The following MAPK4 variants were observed in gnomAD, a reference collection of about 807,000 sequenced individuals.
MAPK4 encodes Erk3-related.
In MAPK4, 22 loss-of-function variants were observed where a neutral mutation model predicts 47.7. The observed-to-expected ratio is 0.46, with a 90% CI of 0.33 to 0.66. The LOEUF is 0.66. MAPK4 is among the 30% of genes least tolerant of loss of function. The pLI, the probability that MAPK4 is intolerant of heterozygous loss-of-function variation, is 0.02. For missense variants in MAPK4, 736 were observed against 831.7 expected (o/e 0.88, Z 1.42); for synonymous variants, 390 against 365.7 (o/e 1.07, Z -0.76).
chr18:50,704,363 G>A (rs1909940000), intron 2 of MAPK4, among the ~76,000 whole-genome samples: 1 of 152,132 alleles, frequency 6.6e-6, no homozygotes, highest in Non-Finnish European at 1.5e-5. Flanking sequence ...ACAAAAATTA[G>A]CCAGGCGTGG....
At chr18:50,709,750 C>T (rs1910250576) in intron 2 of MAPK4, among the ~76,000 whole-genome samples, 1 of 152,174 alleles carries the variant, frequency 6.6e-6, no homozygotes, top group South Asian at 2.1e-4. Flanking sequence ...AGTTACAGCA[C>T]CTTGAACCAG....
chr18:50,662,261 T>C (rs1039643549), intron 1 of MAPK4, among the ~76,000 whole-genome samples: 5 of 152,236 alleles, frequency 3.3e-5, no homozygotes, highest in African/African-American at 1.2e-4. Context: ...CGCTATGATA[T>C]TACCTTACTT....
intron 1 of MAPK4, among the ~76,000 whole-genome samples, chr18:50,569,673 G>C (rs2042233170): frequency 6.6e-6 from 1 of 152,184 alleles, no homozygotes; most frequent in South Asian, 2.1e-4. Context: ...AAAAACCATG[G>C]CTTCAGGCTG....
intron 2 of MAPK4, among the ~76,000 whole-genome samples, chr18:50,698,892 G>A (rs983913737): frequency 6.6e-5 from 10 of 152,094 alleles, no homozygotes; most frequent in Admixed American, 2.0e-4. Context: ...AGGTATAGTG[G>A]TGCACACCTG....
chr18:50,652,873 C>T (rs922634282), intron 1 of MAPK4, among the ~76,000 whole-genome samples: 1 of 152,112 alleles, frequency 6.6e-6, no homozygotes, highest in African/African-American at 2.4e-5. Context: ...GACATTTAAA[C>T]TTAGACCTAA....
At chr18:50,599,643 TCC>T (rs1286722924) in intron 1 of MAPK4, among the ~76,000 whole-genome samples, 2 of 152,168 alleles carry the variant, frequency 1.3e-5, no homozygotes, top group Non-Finnish European at 2.9e-5. Flanking sequence ...GGTCTTGAAC[TCC>T]TGGGCTCAAG....
chr18:50,589,192 A>G (rs947534376), intron 1 of MAPK4, among the ~76,000 whole-genome samples: 2 of 152,214 alleles, frequency 1.3e-5, no homozygotes, highest in African/African-American at 2.4e-5. Flanking sequence ...CATAGCTTCA[A>G]TAATCATGGC....
At chr18:50,709,668 A>G (rs917734974) in intron 2 of MAPK4, among the ~76,000 whole-genome samples, 1 of 152,084 alleles carries the variant, frequency 6.6e-6, no homozygotes, top group Non-Finnish European at 1.5e-5. Context: ...CAAGCATGTC[A>G]TTGGGGATGG....
At chr18:50,677,549 G>A (rs1439179421) in intron 2 of MAPK4, among the ~76,000 whole-genome samples, 1 of 149,648 alleles carries the variant, frequency 6.7e-6, no homozygotes. Context: ...TGTCATGTGT[G>A]TAAGGTTTTT....
At chr18:50,658,027 C>T (rs910226333) in intron 1 of MAPK4, among the ~76,000 whole-genome samples, 4 of 152,082 alleles carry the variant, frequency 2.6e-5, no homozygotes, top group Admixed American at 1.3e-4. Flanking sequence ...AGTCCCTGTG[C>T]CACAGGCTCT....
chr18:50,615,400 C>T (rs879935264), intron 1 of MAPK4, among the ~76,000 whole-genome samples: 6 of 152,352 alleles, frequency 3.9e-5, no homozygotes, highest in Admixed American at 3.9e-4. Flanking sequence ...CAGGCTCCTT[C>T]TATCTTGTTG....
At chr18:50,623,558 A>C (rs2042750742) in intron 1 of MAPK4, among the ~76,000 whole-genome samples, 1 of 152,038 alleles carries the variant, frequency 6.6e-6, no homozygotes, top group Non-Finnish European at 1.5e-5. Context: ...CCCCAACCCC[A>C]TCCTTGACAC....
At position 50,729,775 on chromosome 18, in the gene MAPK4, G is replaced by A. The variant is rs1176934968; in HGVS notation, c.1685G>A (p.Gly562Asp). 3.1e-6 allele frequency: 5 copies of A among 1,612,052 alleles called. No homozygotes were observed. The highest frequency in any genetic ancestry group is 1.3e-5 in the African/African-American group (1 of 75,056). ...GAGGACCTGCCGGACAATAAACTGG[G>A]CGACCTCAATGGTGCGTGCATCCCC... ...KPEDLPDNKL[G>D]DLNGACIPEH... Residue 562 changes from glycine to aspartate, a missense_variant, in exon 6 of 6, where the codon GGC becomes GAC. This residue lies in a region of MAPK4 where 377 missense variants were observed against 378.6 expected (regional missense o/e 1.00). Transcript: ENST00000400384.
intron 1 of MAPK4, among the ~76,000 whole-genome samples, chr18:50,660,757 G>A (rs1455338423): frequency 6.6e-6 from 1 of 152,136 alleles, no homozygotes; most frequent in African/African-American, 2.4e-5. Context: ...GGAAGCAGGA[G>A]AATATTTCAG....
At chr18:50,688,016 C>T (rs1012576346) in intron 2 of MAPK4, among the ~76,000 whole-genome samples, 16 of 152,120 alleles carry the variant, frequency 1.1e-4, no homozygotes, top group African/African-American at 3.6e-4. Flanking sequence ...CCCTCGGGGT[C>T]AGGGATTCTG....
intron 1 of MAPK4, among the ~76,000 whole-genome samples, chr18:50,607,868 C>T (rs2042595528): frequency 6.6e-6 from 1 of 152,148 alleles, no homozygotes; most frequent in Admixed American, 6.5e-5. Flanking sequence ...GACAATTTAC[C>T]AATCTTGTAT....
intron 3 of MAPK4, 130 bp from the exon 4 acceptor site, chr18:50,721,808 C>T (rs936697973): frequency 1.0e-4 from 83 of 805,614 alleles, no homozygotes; most frequent in Middle Eastern, 7.1e-4. Context: ...AGACCAGAAC[C>T]CCGGTCCCAG....
intron 1 of MAPK4, among the ~76,000 whole-genome samples, chr18:50,564,674 C>T (rs2042183468): frequency 6.6e-6 from 1 of 152,052 alleles, no homozygotes; most frequent in Admixed American, 6.5e-5. Flanking sequence ...ACCTGATATC[C>T]TAATCTGGTT....
intron 2 of MAPK4, among the ~76,000 whole-genome samples, chr18:50,682,583 A>G (rs1908649038): frequency 6.6e-6 from 1 of 152,240 alleles, no homozygotes; most frequent in Non-Finnish European, 1.5e-5. Flanking sequence ...AAAAAGGATA[A>G]TACATATTGA....
Sources: gnomAD v4.1 joint callset for allele counts (sites outside exome capture counted in the v4.1 genomes callset) on GRCh38, gnomAD v4.1.1 for gene constraint, gnomAD v4.1.1 regional missense constraint, MANE v1.5 for transcripts, NCBI Gene and HGNC (gene_info 2026-07-23, HGNC 2026-07-21) for gene names.